The following GFRAL variants were observed in gnomAD, a reference collection of about 807,000 sequenced individuals.
The protein encoded by GFRAL is GDNF family receptor alpha-like.
In GFRAL, 36 loss-of-function variants were observed where a neutral mutation model predicts 45.4. The ratio of observed to expected loss-of-function variants is 0.79; its 90% confidence interval spans 0.61 to 1.05. GFRAL has a LOEUF of 1.05. Among genes scored for constraint, GFRAL ranks in the 50% least tolerant of loss-of-function variants. GFRAL has a pLI of 0.00. For missense variants in GFRAL, 507 were observed against 467.5 expected (o/e 1.08, Z -0.78); for synonymous variants, 166 against 154.1 (o/e 1.08, Z -0.57).
At chr6:55,376,994 T>A (rs1768543599) in intron 6 of GFRAL, among the ~76,000 whole-genome samples, 1 of 151,968 alleles carries the variant, frequency 6.6e-6, no homozygotes, top group Non-Finnish European at 1.5e-5. Context: ...AATCTTTGCT[T>A]GACAACCAAT....
intron 3 of GFRAL, among the ~76,000 whole-genome samples, chr6:55,349,204 A>G (rs1400330380): frequency 6.6e-6 from 1 of 152,092 alleles, no homozygotes; most frequent in East Asian, 1.9e-4. Flanking sequence ...GGTAGAAGTA[A>G]GTTTCCTGTG....
chr6:55,345,938 A>G (rs545062615), intron 3 of GFRAL, among the ~76,000 whole-genome samples: 1 of 152,366 alleles, frequency 6.6e-6, no homozygotes, highest in Admixed American at 6.5e-5. Flanking sequence ...ACACATGAAA[A>G]AATGCTCACT....
At position 55,397,609 on chromosome 6, in the gene GFRAL, C is replaced by T. The variant is rs114196905; in HGVS notation, c.953-1571C>T. On this transcript the variant is annotated intron_variant, in intron 6 of 8. Transcript: ENST00000340465. ...GAATGAGTTTTCTAATGACAAAATC[C>T]TCACTTTTCTAGTCTTGTGTTGGGC... Among the ~76,000 whole-genome samples, 416 of 150,802 alleles carry T rather than the reference C, an allele frequency of 2.8e-3. 4 individuals are homozygous for T. Among genetic ancestry groups the T allele is most frequent in the African/African-American group, 8.9e-3 (365 of 41,240 alleles).
intron 3 of GFRAL, among the ~76,000 whole-genome samples, chr6:55,346,581 T>C (rs1347901037): frequency 1.3e-5 from 2 of 152,002 alleles, no homozygotes; most frequent in Non-Finnish European, 2.9e-5. Context: ...TTAGGAGATA[T>C]ACCTAATGTA....
At chr6:55,339,213 T>C (rs1767929026) in intron 3 of GFRAL, among the ~76,000 whole-genome samples, 1 of 152,160 alleles carries the variant, frequency 6.6e-6, no homozygotes, top group Admixed American at 6.6e-5. Flanking sequence ...AGGGGATTGC[T>C]ATACATTGAG....
intron 6 of GFRAL, among the ~76,000 whole-genome samples, chr6:55,370,714 G>C (rs1446997481): frequency 6.6e-6 from 1 of 152,202 alleles, no homozygotes; most frequent in Non-Finnish European, 1.5e-5. Flanking sequence ...GGACGTGACA[G>C]TAGGACCAGC....
intron 6 of GFRAL, among the ~76,000 whole-genome samples, chr6:55,375,130 T>C (rs1004837450): frequency 3.3e-5 from 5 of 152,174 alleles, no homozygotes; most frequent in Non-Finnish European, 7.4e-5. Context: ...CATATGAATT[T>C]TTAAATAGCT....
intron 5 of GFRAL, among the ~76,000 whole-genome samples, chr6:55,352,520 T>G (rs1433649403): frequency 2.0e-5 from 3 of 152,086 alleles, no homozygotes; most frequent in African/African-American, 7.2e-5. Flanking sequence ...CATTTTGAGC[T>G]GCTGAAGTCC....
intron 6 of GFRAL, among the ~76,000 whole-genome samples, chr6:55,395,261 T>C (rs1335000174): frequency 6.6e-6 from 1 of 150,908 alleles, no homozygotes; most frequent in Non-Finnish European, 1.5e-5. Flanking sequence ...CAATGTCAAA[T>C]GAAGACATCA....
intron 6 of GFRAL, among the ~76,000 whole-genome samples, chr6:55,377,486 T>C (rs1173507566): frequency 6.6e-6 from 1 of 152,070 alleles, no homozygotes; most frequent in Non-Finnish European, 1.5e-5. Context: ...CCACACCCTC[T>C]TCTAAGTTTA....
chr6:55,394,429 T>C (rs1307746703), intron 6 of GFRAL, among the ~76,000 whole-genome samples: 1 of 152,064 alleles, frequency 6.6e-6, no homozygotes, highest in Admixed American at 6.6e-5. Flanking sequence ...AAGAAGCCAG[T>C]GAAGAAGAAT....
rs182339856 is a variant in GFRAL, at chr6:55,369,324, T to G, written c.952+10186T>G. ...GCTCACGCAAGGTGCGCGCACCCACTGACCTGCGCCTACTGTCTGGCACTC... is the reference window on the plus strand; with the variant it reads ...GCTCACGCAAGGTGCGCGCACCCACGGACCTGCGCCTACTGTCTGGCACTC... On this transcript the variant is annotated intron_variant, in intron 6 of 8. Coordinates refer to ENST00000340465, the MANE Select transcript of GFRAL (RefSeq NM_207410.2). 1.0e-3 allele frequency among the ~76,000 whole-genome samples: 153 copies of G among 152,292 alleles called. No homozygotes were observed. In the Middle Eastern group the frequency reaches 0.014, roughly 14 times the overall value.
chr6:55,366,251 A>G (rs1328089278), intron 6 of GFRAL, among the ~76,000 whole-genome samples: 4 of 151,878 alleles, frequency 2.6e-5, no homozygotes, highest in African/African-American at 9.7e-5. Flanking sequence ...GTATTCTCTG[A>G]TGATAGTTTG....
In GFRAL at chr6:55,358,951, T is replaced by C; in HGVS notation, c.765T>C (p.Asp255=). Residue 255 remains aspartate (D), a synonymous_variant, in exon 6 of 9, where the codon GAT becomes GAC. Coordinates refer to ENST00000340465, the MANE Select transcript of GFRAL (RefSeq NM_207410.2). ...WQRVTRKCHE[D]ENCISTLSKQ... is the part of the protein sequence containing the mutation. ...GTGTGACTAGAAAGTGCCATGAAGA[T>C]GAGAATTGCATTAGCACCTTAAGCA... is the stretch of plus-strand genomic sequence containing the variant. 6.2e-7 allele frequency: 1 copy of C among 1,613,060 alleles called. No homozygotes were observed. Among genetic ancestry groups the C allele is most frequent in the Non-Finnish European group, 8.5e-7 (1 of 1,179,330 alleles).
rs1486174834 is a variant in GFRAL at position 55,368,500 on chromosome 6, TGGA to T, written c.952+9370_952+9372del. 2.5e-3 allele frequency among the ~76,000 whole-genome samples: 380 copies of T among 152,246 alleles called. 2 individuals carry two copies. Among genetic ancestry groups the T allele is most frequent in the African/African-American group, 8.9e-3 (370 of 41,498 alleles). Reference sequence around the variant, plus strand: ...TTGCTGGTGAGGAACTGCGTTCCTTTGGAGGAGGAGAGGCACTCTGCTTTTTAG... The same window carrying T: ...TTGCTGGTGAGGAACTGCGTTCCTTTGGAGGAGAGGCACTCTGCTTTTTAG... On this transcript the variant is annotated intron_variant, in intron 6 of 8. Coordinates refer to ENST00000340465, the MANE Select transcript of GFRAL (RefSeq NM_207410.2).
intron 3 of GFRAL, among the ~76,000 whole-genome samples, chr6:55,337,961 T>C (rs144252816): frequency 1.5e-3 from 236 of 152,360 alleles, no homozygotes; most frequent in South Asian, 2.1e-3. Context: ...AAGCATTTAA[T>C]ACTATGAATT....
In GFRAL at chr6:55,329,772, C is replaced by G. The variant is rs200532117; in HGVS notation, c.23-1943C>G. Among the ~76,000 whole-genome samples, 4 of 151,988 alleles carry G rather than the reference C, an allele frequency of 2.6e-5. No homozygotes were observed. The East Asian group carries it at 7.7e-4, about 29-fold the overall frequency. Reference sequence around the variant, plus strand: ...GGGCCTAATCTCCAAATGCAGTGACCCAGCAAGTAGTACACATGGTCCAAT... The same window carrying G: ...GGGCCTAATCTCCAAATGCAGTGACGCAGCAAGTAGTACACATGGTCCAAT... On this transcript the variant is annotated intron_variant, in intron 1 of 8. Coordinates refer to ENST00000340465, the MANE Select transcript of GFRAL (RefSeq NM_207410.2).
intron 3 of GFRAL, among the ~76,000 whole-genome samples, chr6:55,338,970 A>T (rs1397016958): frequency 6.6e-6 from 1 of 152,174 alleles, no homozygotes; most frequent in African/African-American, 2.4e-5. Flanking sequence ...CGTAGAGAGG[A>T]TGGAATGGGA....
At chr6:55,368,516 C>G (rs1244912599) in intron 6 of GFRAL, among the ~76,000 whole-genome samples, 4 of 152,042 alleles carry the variant, frequency 2.6e-5, no homozygotes, top group Admixed American at 2.0e-4. Flanking sequence ...AGGAGAGGCA[C>G]TCTGCTTTTT....
Sources: gnomAD v4.1 joint callset for allele counts (sites outside exome capture counted in the v4.1 genomes callset) on GRCh38, gnomAD v4.1.1 for gene constraint, MANE v1.5 for transcripts, NCBI Gene and HGNC (gene_info 2026-07-23, HGNC 2026-07-21) for gene names.